The following FHIT variants were observed in gnomAD, a reference collection of about 807,000 sequenced individuals.
FHIT encodes the protein bis(5'-adenosyl)-triphosphatase.
A neutral mutation model predicts 17.9 loss-of-function variants in FHIT; 19 were observed. The ratio of observed to expected loss-of-function variants is 1.06; its 90% confidence interval spans 0.74 to 1.56. The LOEUF (loss-of-function observed/expected upper bound fraction) is 1.56, where lower values mean the gene tolerates loss of function less well. Among genes scored for constraint, FHIT ranks in the 40% most tolerant of loss-of-function variants. The pLI is 0.00. For synonymous variants in FHIT, 81 were observed against 69.7 expected, an observed-to-expected ratio of 1.16 and a Z score of -0.81; for missense variants, 248 against 189.2, an observed-to-expected ratio of 1.31 and a Z score of -1.82.
At position 60,754,405 on chromosome 3, in the gene FHIT, A is replaced by G. The variant is rs11928502; in HGVS notation, c.-18+67514T>C. ...CTGGTTTAGAAAAATCCTGCAGGAT[A>G]TGGAGTGTCTTTGGTGACAGAAGTC... is the stretch of plus-strand genomic sequence containing the variant. On this transcript the variant is annotated intron_variant, in intron 4 of 9. Transcript: ENST00000492590. Among the ~76,000 whole-genome samples, 320 of 152,326 alleles carry G rather than the reference A, an allele frequency of 2.1e-3. 1 individual carries two copies. The highest frequency in any genetic ancestry group is 8.9e-3 in the South Asian group (43 of 4,828).
At chr3:60,096,037 C>A (rs1296830827) in intron 5 of FHIT, among the ~76,000 whole-genome samples, 1 of 152,116 alleles carries the variant, frequency 6.6e-6, no homozygotes, top group Admixed American at 6.5e-5. Context: ...AGGATTTTTT[C>A]TTGATCACTT....
chr3:61,072,506 G>A (rs911923237), intron 2 of FHIT, among the ~76,000 whole-genome samples: 2 of 152,130 alleles, frequency 1.3e-5, no homozygotes, highest in South Asian at 2.1e-4. Context: ...ATTCATTGCC[G>A]TTTCTGGCCT....
intron 8 of FHIT, among the ~76,000 whole-genome samples, chr3:59,789,513 T>G (rs1264638273): frequency 1.3e-5 from 2 of 152,228 alleles, no homozygotes; most frequent in African/African-American, 4.8e-5. Context: ...TTACATCTTA[T>G]TCTCACTTAA....
At chr3:61,234,357 C>T (rs2040177866) in intron 1 of FHIT, among the ~76,000 whole-genome samples, 1 of 152,096 alleles carries the variant, frequency 6.6e-6, no homozygotes, top group African/African-American at 2.4e-5. Flanking sequence ...GTGAGGAAAA[C>T]CTATATGTTG....
chr3:60,285,878 T>C (rs199814506), intron 5 of FHIT, among the ~76,000 whole-genome samples: 2 of 152,222 alleles, frequency 1.3e-5, no homozygotes, highest in African/African-American at 4.8e-5. Flanking sequence ...AATATTTGTC[T>C]TTTCTTTATG....
At chr3:60,268,052 A>G (rs1205838520) in intron 5 of FHIT, among the ~76,000 whole-genome samples, 1 of 152,182 alleles carries the variant, frequency 6.6e-6, no homozygotes, top group Non-Finnish European at 1.5e-5. Context: ...AATAACCTTC[A>G]AATTTAAATG....
intron 4 of FHIT, among the ~76,000 whole-genome samples, chr3:60,810,082 G>C (rs1376929061): frequency 6.6e-6 from 1 of 152,172 alleles, no homozygotes; most frequent in Non-Finnish European, 1.5e-5. Flanking sequence ...GATTTCGCAA[G>C]ACTAAAATCC....
intron 1 of FHIT, among the ~76,000 whole-genome samples, chr3:61,247,715 C>G (rs989590807): frequency 6.6e-6 from 1 of 152,162 alleles, no homozygotes; most frequent in Non-Finnish European, 1.5e-5. Context: ...TAAATACCTG[C>G]TTAAAGTTTT....
chr3:60,582,371 A>C (rs2037775810), intron 4 of FHIT, among the ~76,000 whole-genome samples: 1 of 152,114 alleles, frequency 6.6e-6, no homozygotes, highest in Admixed American at 6.6e-5. Context: ...TTCTCCCTTG[A>C]AGTTAAGCTT....
chr3:60,196,441 T>C (rs1045149681), intron 5 of FHIT, among the ~76,000 whole-genome samples: 3 of 152,150 alleles, frequency 2.0e-5, no homozygotes, highest in Non-Finnish European at 4.4e-5. Context: ...CTTTCATTTA[T>C]AAGGACCCTT....
chr3:60,417,264 C>G (rs142420982), intron 5 of FHIT, among the ~76,000 whole-genome samples: 17 of 152,218 alleles, frequency 1.1e-4, no homozygotes, highest in African/African-American at 4.1e-4. Context: ...CAAGAAACTT[C>G]ATGGTGAAAA....
rs994271375 is a variant in FHIT, at chr3:60,058,607, G to A, written c.104-44455C>T. On this transcript the variant is annotated intron_variant, in intron 5 of 9. Transcript: ENST00000492590. ...AAAAATGTTCCCTGCTTTTCCCTTT[G>A]AAAGATGCCACATCTGCCCTGATTC... Among the ~76,000 whole-genome samples, 9 of 152,058 alleles carry A rather than the reference G, an allele frequency of 5.9e-5. No individual in the cohort carries two copies. In the East Asian group the frequency reaches 9.7e-4, roughly 16 times the overall value.
chr3:60,285,879 T>G (rs1274177543), intron 5 of FHIT, among the ~76,000 whole-genome samples: 1 of 152,234 alleles, frequency 6.6e-6, no homozygotes, highest in Non-Finnish European at 1.5e-5. Context: ...ATATTTGTCT[T>G]TTCTTTATGC....
At chr3:60,209,583 A>G (rs56255202) in intron 5 of FHIT, among the ~76,000 whole-genome samples, 2,088 of 152,220 alleles carry the variant, frequency 0.014, 38 homozygotes, top group African/African-American at 0.047. Context: ...TCTGCAAAGG[A>G]TTTGTTTGTT....
intron 8 of FHIT, among the ~76,000 whole-genome samples, chr3:59,753,992 A>G (rs1055491715): frequency 1.3e-5 from 2 of 152,232 alleles, no homozygotes; most frequent in Admixed American, 6.5e-5. Flanking sequence ...TCCTTTAAAA[A>G]TAATTTTGCC....
chr3:60,648,255 CT>C (rs1236718318), intron 4 of FHIT, among the ~76,000 whole-genome samples: 59 of 152,234 alleles, frequency 3.9e-4, no homozygotes, highest in African/African-American at 1.4e-3. Flanking sequence ...CTGAACTGCG[CT>C]TTTGTTATTT....
chr3:60,521,275 G>T (rs9856484), intron 5 of FHIT, among the ~76,000 whole-genome samples: 24,120 of 151,642 alleles, frequency 0.16, 2,272 homozygotes, highest in Middle Eastern at 0.23. Flanking sequence ...TGAGGCGGAG[G>T]CTTGCTCTGT....
chr3:60,796,470 G>C (rs541331349), intron 4 of FHIT, among the ~76,000 whole-genome samples: 44 of 152,230 alleles, frequency 2.9e-4, no homozygotes, highest in African/African-American at 1.1e-3. Context: ...GGCTTTAGCT[G>C]TAGCCCATAG....
At chr3:59,975,482 C>G (rs565807783) in intron 7 of FHIT, among the ~76,000 whole-genome samples, 148 of 152,004 alleles carry the variant, frequency 9.7e-4, no homozygotes, top group African/African-American at 3.5e-3. Flanking sequence ...AAATGTTAGC[C>G]ATTATTTTTA....
Sources: gnomAD v4.1 joint callset for allele counts (sites outside exome capture counted in the v4.1 genomes callset) on GRCh38, gnomAD v4.1.1 for gene constraint, MANE v1.5 for transcripts, NCBI Gene and HGNC (gene_info 2026-07-23, HGNC 2026-07-21) for gene names.